The following ATP9B variants were observed in gnomAD, a reference collection of about 807,000 sequenced individuals.
ATP9B encodes probable phospholipid-transporting ATPase IIB.
Under a neutral mutation model 146.1 loss-of-function variants are expected in ATP9B, and 110 were observed. The observed-to-expected ratio is 0.75, with a 90% CI of 0.65 to 0.88. The LOEUF is 0.88. Among genes scored for constraint, ATP9B ranks in the 40% least tolerant of loss-of-function variants. ATP9B has a pLI of 0.00. For synonymous variants in ATP9B, 604 were observed against 569.7 expected, an observed-to-expected ratio of 1.06 and a Z score of -0.86; for missense variants, 1,499 against 1,496.4, an observed-to-expected ratio of 1.00 and a Z score of -0.03.
chr18:79,212,778 C>T lies in ATP9B; in HGVS notation c.1031-1184C>T, dbSNP rs144225380. Reference sequence around the variant, plus strand: ...TTTATGTGGATAATAGTAATAAAGACGGCATTTGTGCATCGGGGAGCTTAT... The same window carrying T: ...TTTATGTGGATAATAGTAATAAAGATGGCATTTGTGCATCGGGGAGCTTAT... On this transcript the variant is annotated intron_variant, in intron 10 of 29. Transcript: ENST00000426216. Among the ~76,000 whole-genome samples the T allele has an allele frequency of 4.7e-3, 714 of 152,258 alleles. 8 individuals carry two copies. The highest frequency in any genetic ancestry group is 0.016 in the African/African-American group (670 of 41,552).
chr18:79,102,811 C>A (rs1021052775), intron 2 of ATP9B, among the ~76,000 whole-genome samples: 2 of 152,148 alleles, frequency 1.3e-5, no homozygotes, highest in Admixed American at 1.3e-4. Flanking sequence ...AATTTGATCT[C>A]TTTCACTAGC....
Position 79,342,317 on chromosome 18 carries a change from A to G in ATP9B, c.2333A>G (p.Lys778Arg), listed in dbSNP as rs2096863803. ...CTCGAGACAGCTACCTGCATTGCCA[A>G]AAGTTCACATCTCGTGTCTAGAACA... ...DKLETATCIA[K>R]SSHLVSRTQD... Residue 778 changes from lysine to arginine, a missense_variant, in exon 20 of 30, where the codon AAA becomes AGA. By Grantham distance (26) the Lys-to-Arg change is conservative (BLOSUM62 2). Transcript: ENST00000426216. 2 of 1,613,766 alleles carry G rather than the reference A, an allele frequency of 1.2e-6. No individual in the cohort carries two copies. The highest frequency in any genetic ancestry group is 3.3e-5 in the Admixed American group (2 of 59,994).
chr18:79,291,219 C>CTA (rs2146151734), intron 13 of ATP9B, among the ~76,000 whole-genome samples: 2 of 151,952 alleles, frequency 1.3e-5, no homozygotes, highest in South Asian at 4.2e-4. Context: ...CATTTTCTGT[C>CTA]TATATAGCTA....
rs2073131468 is a variant in ATP9B at position 79,080,478 on chromosome 18, T to C, written c.119+10949T>C. On this transcript the variant is annotated intron_variant, in intron 1 of 29. Coordinates refer to ENST00000426216, the MANE Select transcript of ATP9B (RefSeq NM_198531.5). ...TAGGAATGCCTGTGATTTTTGCACA[T>C]TGATTTTGTATCCTGAGACTTTGCT... Among the ~76,000 whole-genome samples the C allele has an allele frequency of 2.6e-5, 4 of 152,356 alleles. No homozygotes were observed. The South Asian group carries it at 8.3e-4, about 32-fold the overall frequency.
At chr18:79,373,632 G>A (rs965130312) in intron 27 of ATP9B, among the ~76,000 whole-genome samples, 1 of 152,012 alleles carries the variant, frequency 6.6e-6, no homozygotes, top group Non-Finnish European at 1.5e-5. Flanking sequence ...TGGGATTACA[G>A]GTGCGTGCCA....
chr18:79,202,151 T>C lies in ATP9B; in HGVS notation c.955-4786T>C, dbSNP rs182350335. ...ATGCTGATGCCTGTGCAGAATCTAA[T>C]GGAGATGTGGCGCTGTGATGGTGTC... On this transcript the variant is annotated intron_variant, in intron 9 of 29. Transcript: ENST00000426216. Among the ~76,000 whole-genome samples, 355 of 152,178 alleles carry C rather than the reference T, an allele frequency of 2.3e-3. 1 individual carries two copies. Among genetic ancestry groups the C allele is most frequent in the African/African-American group, 7.8e-3 (326 of 41,546 alleles).
chr18:79,332,326 G>A (rs1258321792), intron 17 of ATP9B, among the ~76,000 whole-genome samples: 1 of 152,212 alleles, frequency 6.6e-6, no homozygotes, highest in Non-Finnish European at 1.5e-5. Context: ...CTACTTGGGA[G>A]GCTGAGGCAG....
chr18:79,358,959 G>C (rs2096970528), intron 25 of ATP9B, among the ~76,000 whole-genome samples: 1 of 151,964 alleles, frequency 6.6e-6, no homozygotes, highest in Admixed American at 6.6e-5. Context: ...GGTGCTCTGG[G>C]TCTGGAGGTG....
chr18:79,073,736 C>T (rs1453580958), intron 1 of ATP9B, among the ~76,000 whole-genome samples: 1 of 152,174 alleles, frequency 6.6e-6, no homozygotes, highest in African/African-American at 2.4e-5. Context: ...ACTCTATTCT[C>T]AATCTCATCC....
intron 11 of ATP9B, among the ~76,000 whole-genome samples, chr18:79,217,007 G>A (rs954193631): frequency 3.3e-5 from 5 of 152,162 alleles, no homozygotes; most frequent in African/African-American, 9.7e-5. Context: ...AAAACTCTAC[G>A]TGTATTATGT....
chr18:79,092,324 A>C (rs947754279), intron 1 of ATP9B, among the ~76,000 whole-genome samples: 1 of 152,184 alleles, frequency 6.6e-6, no homozygotes, highest in African/African-American at 2.4e-5. Flanking sequence ...CTTGTGCAGC[A>C]TGTTACTGTA....
At chr18:79,133,982 G>A (rs189466008) in intron 5 of ATP9B, among the ~76,000 whole-genome samples, 64 of 152,322 alleles carry the variant, frequency 4.2e-4, no homozygotes, top group African/African-American at 1.2e-3. Flanking sequence ...TTCCTTTGCG[G>A]TAGCACTCTC....
chr18:79,223,352 TGTA>T lies in ATP9B; in HGVS notation c.1107+9317_1107+9319del, dbSNP rs528509055. ...AAAATAACTTATTTTTATCTTTTCT[TGTA>T]GTTGCATACAATCATAGAATGCCTT... On this transcript the variant is annotated intron_variant, in intron 11 of 29. Coordinates refer to ENST00000426216, the MANE Select transcript of ATP9B (RefSeq NM_198531.5). Among the ~76,000 whole-genome samples the T allele has an allele frequency of 1.3e-3, 198 of 152,336 alleles. 1 individual carries two copies. The highest frequency in any genetic ancestry group is 2.1e-3 in the Non-Finnish European group (144 of 68,030).
rs907780449 is a variant in ATP9B, at chr18:79,377,459, G to A, written c.*76G>A. ...GCACCTTGTGCCCTTGCCAGTGAAC[G>A]CAGGGTTTGCCATTGCTACCAAGCA... On this transcript the variant is annotated 3_prime_UTR_variant, in exon 30 of 30. Transcript: ENST00000426216. 43 of 1,539,064 alleles carry A rather than the reference G, an allele frequency of 2.8e-5. No individual in the cohort carries two copies. The highest frequency in any genetic ancestry group is 1.9e-4 in the African/African-American group (14 of 73,516).
At chr18:79,334,544 G>A (rs1400420093) in intron 17 of ATP9B, among the ~76,000 whole-genome samples, 6 of 152,136 alleles carry the variant, frequency 3.9e-5, no homozygotes, top group South Asian at 2.1e-4. Flanking sequence ...AAGAGAGCCC[G>A]GCTGTCCTGA....
At chr18:79,190,004 G>A (rs1320562519) in intron 8 of ATP9B, among the ~76,000 whole-genome samples, 2 of 152,170 alleles carry the variant, frequency 1.3e-5, no homozygotes, top group Admixed American at 6.5e-5. Context: ...CAGTGGTGCC[G>A]CACCGCATTT....
chr18:79,205,572 G>A (rs557165634), intron 9 of ATP9B, among the ~76,000 whole-genome samples: 3 of 151,616 alleles, frequency 2.0e-5, no homozygotes, highest in South Asian at 2.1e-4. Flanking sequence ...TACGGGAGAC[G>A]CCCAACAGTC....
chr18:79,273,785 C>T (rs1271994961), intron 12 of ATP9B, among the ~76,000 whole-genome samples: 4 of 152,214 alleles, frequency 2.6e-5, no homozygotes, highest in Non-Finnish European at 1.5e-5. Context: ...TCCTCAGACA[C>T]TTTTGTAGCT....
chr18:79,132,782 T>A (rs2094396983), intron 5 of ATP9B, among the ~76,000 whole-genome samples: 1 of 152,246 alleles, frequency 6.6e-6, no homozygotes, highest in South Asian at 2.1e-4. Flanking sequence ...TTACAACATT[T>A]GGACTGTGTC....
Sources: allele counts gnomAD v4.1 joint callset (sites outside exome capture counted in the v4.1 genomes callset), GRCh38; gene constraint gnomAD v4.1.1; transcripts MANE v1.5; gene names NCBI Gene and HGNC (gene_info 2026-07-23, HGNC 2026-07-21).